The following DLGAP2 variants were observed in gnomAD, a reference collection of about 807,000 sequenced individuals.
The protein encoded by DLGAP2 is disks large-associated protein 2.
Under a neutral mutation model 100.3 loss-of-function variants are expected in DLGAP2, and 26 were observed. The ratio of observed to expected loss-of-function variants is 0.26; its 90% CI spans 0.19 to 0.36. DLGAP2 has a LOEUF of 0.36. Among genes scored for constraint, DLGAP2 ranks in the 10% least tolerant of loss-of-function variants. DLGAP2 has a pLI of 1.00. For synonymous variants in DLGAP2, 886 were observed against 630.1 expected (o/e 1.41, Z -6.08); for missense variants, 1,858 against 1,453.2 (o/e 1.28, Z -4.53).
At chr8:800,388 G>C (rs1313914075) in intron 1 of DLGAP2, among the ~76,000 whole-genome samples, 2 of 152,248 alleles carry the variant, frequency 1.3e-5, no homozygotes, top group Non-Finnish European at 2.9e-5. Flanking sequence ...GATGTGGGCT[G>C]TTTGCACAAT....
intron 2 of DLGAP2, among the ~76,000 whole-genome samples, chr8:1,009,310 T>C (rs1308160211): frequency 6.6e-6 from 1 of 152,244 alleles, no homozygotes; most frequent in African/African-American, 2.4e-5. Flanking sequence ...CCAGTTTCCA[T>C]TTTATTAGAA....
At chr8:1,222,143 A>C (rs1220811126) in intron 2 of DLGAP2, among the ~76,000 whole-genome samples, 2 of 152,176 alleles carry the variant, frequency 1.3e-5, no homozygotes, top group African/African-American at 4.8e-5. Flanking sequence ...ATTTGGTTGT[A>C]AGAAGACACA....
At chr8:1,203,074 C>G (rs542929997) in intron 2 of DLGAP2, among the ~76,000 whole-genome samples, 1 of 152,292 alleles carries the variant, frequency 6.6e-6, no homozygotes, top group South Asian at 2.1e-4. Flanking sequence ...CCGGCTCTCC[C>G]AAATGGGCTG....
chr8:874,608 T>C (rs1032059418), intron 1 of DLGAP2, among the ~76,000 whole-genome samples: 2 of 152,206 alleles, frequency 1.3e-5, no homozygotes, highest in African/African-American at 2.4e-5. Flanking sequence ...TTTTTAATAA[T>C]AGGTTTGTTT....
Position 1,427,624 on chromosome 8 carries a change from G to A in DLGAP2, c.107-73742G>A, listed in dbSNP as rs113664855. 4.3e-3 allele frequency among the ~76,000 whole-genome samples: 658 copies of A among 152,274 alleles called. 7 individuals carry two copies. Among genetic ancestry groups the A allele is most frequent in the African/African-American group, 0.015 (629 of 41,566 alleles). On this transcript the variant is annotated intron_variant, in intron 3 of 14. Coordinates refer to ENST00000637795, the MANE Select transcript of DLGAP2 (RefSeq NM_001346810.2). ...TGGGAGGTGATTGAATTTTGGGGGT[G>A]GGTCTTTCCTGCTCTGTTGTCTTGA...
At chr8:1,614,068 G>T (rs904189298) in intron 6 of DLGAP2, among the ~76,000 whole-genome samples, 12 of 152,252 alleles carry the variant, frequency 7.9e-5, no homozygotes, top group East Asian at 7.7e-4. Flanking sequence ...AGAGCCAGGT[G>T]GGGGAGGCTG....
Position 1,339,964 on chromosome 8 carries a change from C to T in DLGAP2, c.106+81081C>T, listed in dbSNP as rs145337063. Among the ~76,000 whole-genome samples the T allele has an allele frequency of 2.6e-3, 402 of 152,330 alleles. 1 individual carries two copies. The highest frequency in any genetic ancestry group is 9.3e-3 in the African/African-American group (386 of 41,570). ...AGTATCGTGATCTTGCTTAAATGTA[C>T]ATGAGAAAATCATTCAAATACCTTA... is the stretch of plus-strand genomic sequence containing the variant. On this transcript the variant is annotated intron_variant, in intron 3 of 14. Transcript: ENST00000637795.
Position 1,632,833 on chromosome 8 carries a change from G to A in DLGAP2, c.1597G>A (p.Glu533Lys), listed in dbSNP as rs1304311740. 10 of 1,607,630 alleles carry A rather than the reference G, an allele frequency of 6.2e-6. No individual in the cohort carries two copies. The highest frequency in any genetic ancestry group is 4.5e-5 in the East Asian group (2 of 44,792). The change falls in exon 8 of 15, where the codon GAG (glutamate) becomes AAG (lysine). Residue 533 changes from glutamate to lysine, a missense_variant. Coordinates refer to ENST00000637795, the MANE Select transcript of DLGAP2 (RefSeq NM_001346810.2). The stretch of plus-strand genomic sequence containing the variant: ...GTGCTGTTGATGATTGCAGGTGAGC[G>A]AGGCGGAGATCAATGGGCAATTCGA... Reference protein sequence around the residue: ...SQASCVSQVSEAEINGQFESV... With the variant: ...SQASCVSQVSKAEINGQFESV...
At chr8:1,315,288 CCT>C (rs1800707941) in intron 3 of DLGAP2, among the ~76,000 whole-genome samples, 4 of 146,036 alleles carry the variant, frequency 2.7e-5, no homozygotes, top group East Asian at 4.3e-4. Context: ...AAAAATAGAG[CCT>C]GTGCGAGTGC....
intron 2 of DLGAP2, among the ~76,000 whole-genome samples, chr8:1,232,438 C>T (rs1798556077): frequency 1.3e-5 from 2 of 152,222 alleles, no homozygotes; most frequent in African/African-American, 4.8e-5. Flanking sequence ...ATGGTAGTGA[C>T]TACCAGGGTC....
In DLGAP2 at chr8:1,549,621, C is replaced by T; in HGVS notation, c.1168C>T (p.Leu390=). ...GGCCTACCGCAAGAGCTCGCTGAACCTGGACAAGCCGCTGCTGCACCAGGA... is the reference window on the plus strand; with the variant it reads ...GGCCTACCGCAAGAGCTCGCTGAACTTGGACAAGCCGCTGCTGCACCAGGA... ...KEAYRKSSLN[L]DKPLLHQDAK... Residue 390 remains leucine, a synonymous_variant, in exon 5 of 15, where the codon CTG becomes TTG. Transcript: ENST00000637795. The T allele has an allele frequency of 6.4e-7, 1 of 1,573,076 alleles. No individual in the cohort carries two copies. The highest frequency in any genetic ancestry group is 8.6e-7 in the Non-Finnish European group (1 of 1,162,598).
At chr8:1,064,084 G>A (rs73540069) in intron 2 of DLGAP2, among the ~76,000 whole-genome samples, 4,910 of 152,272 alleles carry the variant, frequency 0.032, 252 homozygotes, top group African/African-American at 0.11. Context: ...GTTTCACTGG[G>A]AACAACTGCA....
intron 2 of DLGAP2, among the ~76,000 whole-genome samples, chr8:1,081,093 T>C (rs930629286): frequency 4.6e-5 from 7 of 152,238 alleles, no homozygotes; most frequent in Non-Finnish European, 1.0e-4. Context: ...TGTGTTAATT[T>C]GTTCCATCAT....
intron 2 of DLGAP2, among the ~76,000 whole-genome samples, chr8:1,060,493 C>T (rs1278047627): frequency 1.3e-5 from 2 of 151,652 alleles, no homozygotes. Context: ...CACACGGCCC[C>T]CTCTCTCTGT....
chr8:1,304,667 G>T (rs1800448795), intron 3 of DLGAP2, among the ~76,000 whole-genome samples: 1 of 152,178 alleles, frequency 6.6e-6, no homozygotes, highest in Non-Finnish European at 1.5e-5. Context: ...GTGCGGAAGT[G>T]CTTCTGATGA....
At chr8:1,540,659 G>A (rs1160959268) in intron 4 of DLGAP2, among the ~76,000 whole-genome samples, 1 of 152,230 alleles carries the variant, frequency 6.6e-6, no homozygotes. Context: ...GCCGGGAGCT[G>A]GACGCATGCT....
At chr8:918,517 C>T (rs1014780484) in intron 2 of DLGAP2, among the ~76,000 whole-genome samples, 14 of 152,256 alleles carry the variant, frequency 9.2e-5, no homozygotes, top group African/African-American at 2.9e-4. Context: ...GTCTGTGCCA[C>T]GCTGTGTCTG....
chr8:1,456,243 G>C (rs900952659), intron 3 of DLGAP2, among the ~76,000 whole-genome samples: 6 of 152,198 alleles, frequency 3.9e-5, no homozygotes, highest in African/African-American at 1.4e-4. Context: ...CGAGTGTGCT[G>C]CACGCTGCCT....
intron 3 of DLGAP2, among the ~76,000 whole-genome samples, chr8:1,289,018 TC>T (rs1800001000): frequency 6.6e-6 from 1 of 152,174 alleles, no homozygotes; most frequent in Non-Finnish European, 1.5e-5. Context: ...AAAACAAAAA[TC>T]CCTTTGAATC....
Sources: gnomAD v4.1 joint callset for allele counts (sites outside exome capture counted in the v4.1 genomes callset) on GRCh38, gnomAD v4.1.1 for gene constraint, MANE v1.5 for transcripts, NCBI Gene and HGNC (gene_info 2026-07-23, HGNC 2026-07-21) for gene names.